The following ENTPD1 variants were observed in gnomAD, a reference collection of about 807,000 sequenced individuals.
The protein encoded by ENTPD1 is ATP diphosphohydrolase.
In ENTPD1, 33 loss-of-function variants were observed where a neutral mutation model predicts 57.0. That is an observed-to-expected ratio of 0.58 (90% CI 0.44 to 0.77). The LOEUF (loss-of-function observed/expected upper bound fraction) is 0.77. Among genes scored for constraint, ENTPD1 ranks in the 30% least tolerant of loss-of-function variants. ENTPD1 has a pLI of 0.00. For missense variants in ENTPD1, 501 were observed against 603.4 expected, an observed-to-expected ratio of 0.83 and a Z score of 1.78; for synonymous variants, 202 against 218.8, an observed-to-expected ratio of 0.92 and a Z score of 0.68.
chr10:95,873,847 G>A lies in ENTPD1; in HGVS notation c.*7464G>A. The A allele has an allele frequency of 3.4e-6, 1 of 290,790 alleles. No homozygotes were observed. Among genetic ancestry groups the A allele is most frequent in the Non-Finnish European group, 5.1e-6 (1 of 194,770 alleles). 18.0% of individuals were successfully genotyped at this position (290,790 alleles called of 1,614,324 possible). On this transcript the variant is annotated 3_prime_UTR_variant, in exon 10 of 10. Coordinates refer to ENST00000371205, the MANE Select transcript of ENTPD1 (RefSeq NM_001776.6). ...GGTACTTCTTACGTGGTGGCATCAAGAGCAAAATGAGGAAGAAGCAAAAGC... is the reference window on the plus strand; with the variant it reads ...GGTACTTCTTACGTGGTGGCATCAAAAGCAAAATGAGGAAGAAGCAAAAGC...
Position 95,836,593 on chromosome 10 carries a change from G to A in ENTPD1, c.145-3098G>A, listed in dbSNP as rs1185592281. The stretch of plus-strand genomic sequence containing the variant: ...TTTCTTTAAAGGATATACTCATAGG[G>A]ACTTTTGGAAATATTTAAATATAAG... On this transcript the variant is annotated intron_variant, in intron 2 of 9. Transcript: ENST00000371205. Among the ~76,000 whole-genome samples, 3 of 152,116 alleles carry A rather than the reference G, an allele frequency of 2.0e-5. No homozygotes were observed. In the East Asian group the frequency reaches 5.8e-4, roughly 29 times the overall value.
chr10:95,698,011 A>G, the ENTPD1 span, among the ~76,000 whole-genome samples: 1 of 152,276 alleles, frequency 6.6e-6, no homozygotes, highest in Non-Finnish European at 1.5e-5. Flanking sequence ...GGCGAGACTC[A>G]GAAAACAAAA....
Position 95,874,446 on chromosome 10 carries a change from C to T in ENTPD1, c.*8063C>T, listed in dbSNP as rs749794387. Among the ~76,000 whole-genome samples, 5 of 152,214 alleles carry T rather than the reference C, an allele frequency of 3.3e-5. No individual in the cohort carries two copies. The highest frequency in any genetic ancestry group is 4.8e-5 in the African/African-American group (2 of 41,462). The stretch of plus-strand genomic sequence containing the variant: ...AGGTTCCCATGGTCTTGTGCAGCTC[C>T]GCCCCTGTGGCTTTGCAGAGTACAG... On this transcript the variant is annotated 3_prime_UTR_variant, in exon 10 of 10. Coordinates refer to ENST00000371205, the MANE Select transcript of ENTPD1 (RefSeq NM_001776.6).
intron 7 of ENTPD1, among the ~76,000 whole-genome samples, chr10:95,851,219 C>T (rs1421506570): frequency 6.6e-6 from 1 of 151,864 alleles, no homozygotes; most frequent in East Asian, 1.9e-4. Flanking sequence ...CATATGTATA[C>T]ATAAATGTGT....
intron 1 of ENTPD1, among the ~76,000 whole-genome samples, chr10:95,773,713 T>C (rs2098123570): frequency 6.6e-6 from 1 of 152,232 alleles, no homozygotes; most frequent in Non-Finnish European, 1.5e-5. Flanking sequence ...TGTGCCACAT[T>C]TTCTTAATCC....
At position 95,819,291 on chromosome 10, in the gene ENTPD1, A is replaced by G. The variant is rs188383123; in HGVS notation, c.17-3946A>G. 8.5e-3 allele frequency among the ~76,000 whole-genome samples: 1,296 copies of G among 152,044 alleles called. 31 individuals carry two copies. Among genetic ancestry groups the G allele is most frequent in the African/African-American group, 0.03 (1,240 of 41,474 alleles). On this transcript the variant is annotated intron_variant, in intron 1 of 9. Transcript: ENST00000371205. ...CGATCCTCTCACCTCAGCCTCCCAA[A>G]TAGCTGGGACTACAGGCATATGCCA...
rs959667958 is a variant in ENTPD1 at position 95,869,690 on chromosome 10, C to T, written c.*3307C>T. The T allele has an allele frequency of 1.5e-5, 14 of 959,270 alleles. No individual in the cohort carries two copies. The highest frequency in any genetic ancestry group is 1.6e-5 in the Non-Finnish European group (13 of 806,186). The allele number at this position is 959,270 out of a possible 1,614,324, so 59.4% of individuals were successfully genotyped here. On this transcript the variant is annotated 3_prime_UTR_variant, in exon 10 of 10. Coordinates refer to ENST00000371205, the MANE Select transcript of ENTPD1 (RefSeq NM_001776.6). ...ATGTAAATAAAATTTTTTAAAATTA[C>T]ACTTCATTTTAATGTTGTATCAGTC...
intron 5 of ENTPD1, chr10:95,844,897 A>C (rs1590123456): frequency 1.9e-6 from 1 of 534,596 alleles, no homozygotes; most frequent in South Asian, 2.0e-5. Context: ...ATTTATCATT[A>C]AAAATTAGAA....
chr10:95,715,576 A>C (rs534004452), intron 1 of ENTPD1, among the ~76,000 whole-genome samples: 1 of 151,148 alleles, frequency 6.6e-6, no homozygotes, highest in East Asian at 1.9e-4. Flanking sequence ...GGATTTGTCT[A>C]TTTTGCTATT....
At chr10:95,787,358 G>A (rs1730302088) in intron 1 of ENTPD1, among the ~76,000 whole-genome samples, 1 of 152,124 alleles carries the variant, frequency 6.6e-6, no homozygotes, top group Non-Finnish European at 1.5e-5. Flanking sequence ...TATTACAAGA[G>A]GGCTTGGAAG....
In ENTPD1 at chr10:95,809,410, C is replaced by T. The variant is rs184215358; in HGVS notation, c.17-13827C>T. On this transcript the variant is annotated intron_variant, in intron 1 of 9. Coordinates refer to ENST00000371205, the MANE Select transcript of ENTPD1 (RefSeq NM_001776.6). ...CCCCCCACCCCCCAGACGGGGAGGC[C>T]GGGCAGAGGCGTCCCCCACCTCCCA... is the stretch of plus-strand genomic sequence containing the variant. Among the ~76,000 whole-genome samples the T allele has an allele frequency of 3.4e-3, 485 of 142,996 alleles. 2 individuals are homozygous for T. The highest frequency in any genetic ancestry group is 0.011 in the African/African-American group (423 of 38,398). The allele number at this position is 142,996 out of a possible 152,430, so 93.8% of individuals were successfully genotyped here. A position where few individuals can be genotyped will look rare whatever the true frequency, so the allele number is the denominator to read the frequency against.
chr10:95,694,244 A>T, the ENTPD1 span: 2 of 320,492 alleles, frequency 6.2e-6, no homozygotes, highest in Non-Finnish European at 1.2e-5. Flanking sequence ...CAGAGGACTG[A>T]GCCCGGCCTC....
chr10:95,866,744 G>A lies in ENTPD1; in HGVS notation c.*361G>A. The A allele has an allele frequency of 1.8e-6, 2 of 1,137,336 alleles. No homozygotes were observed. Among genetic ancestry groups the A allele is most frequent in the Non-Finnish European group, 2.2e-6 (2 of 918,550 alleles). 70.5% of individuals were successfully genotyped at this position (1,137,336 alleles called of 1,614,324 possible). ...GTCTTGAGTCCTGTGATAGGAGGCT[G>A]AGCTGGCTGAAAGAAGAATCTCAGG... On this transcript the variant is annotated 3_prime_UTR_variant, in exon 10 of 10. Transcript: ENST00000371205.
intron 1 of ENTPD1, among the ~76,000 whole-genome samples, chr10:95,722,889 T>G (rs1724812894): frequency 6.6e-6 from 1 of 152,224 alleles, no homozygotes; most frequent in African/African-American, 2.4e-5. Flanking sequence ...CGAGTAAGAT[T>G]TGAGTTAGTA....
At chr10:95,862,017 A>C (rs1791212936) in intron 8 of ENTPD1, among the ~76,000 whole-genome samples, 1 of 151,696 alleles carries the variant, frequency 6.6e-6, no homozygotes, top group South Asian at 2.1e-4. Context: ...AAAAAAAAAA[A>C]GTTCTGTCAG....
Position 95,869,769 on chromosome 10 carries a change from A to G in ENTPD1, c.*3386A>G. ...GTACACTCAAACTGGGTAACACAGG[A>G]GAGTTTTCAGAAAGCAACTAAATCC... is the stretch of plus-strand genomic sequence containing the variant. On this transcript the variant is annotated 3_prime_UTR_variant, in exon 10 of 10. Transcript: ENST00000371205. 3 of 808,406 alleles carry G rather than the reference A, an allele frequency of 3.7e-6. No homozygotes were observed. The highest frequency in any genetic ancestry group is 4.5e-6 in the Non-Finnish European group (3 of 668,694). The allele number at this position is 808,406 out of a possible 1,614,324, so 50.1% of individuals were successfully genotyped here.
Position 95,870,156 on chromosome 10 carries a change from G to T in ENTPD1, c.*3773G>T, listed in dbSNP as rs2098478838. The stretch of plus-strand genomic sequence containing the variant: ...TTTTGTTGCCTTCCCATGAAGATGT[G>T]AAGGCAGGGATGCCTGTTATTCAGT... On this transcript the variant is annotated 3_prime_UTR_variant, in exon 10 of 10. Coordinates refer to ENST00000371205, the MANE Select transcript of ENTPD1 (RefSeq NM_001776.6). The T allele has an allele frequency of 6.1e-6, 6 of 985,318 alleles. No individual in the cohort carries two copies. Among genetic ancestry groups the T allele is most frequent in the Non-Finnish European group, 7.2e-6 (6 of 829,942 alleles). 61.0% of individuals were successfully genotyped at this position (985,318 alleles called of 1,614,324 possible).
At chr10:95,796,167 A>G (rs1383735464) in intron 1 of ENTPD1, among the ~76,000 whole-genome samples, 1 of 152,204 alleles carries the variant, frequency 6.6e-6, no homozygotes, top group Non-Finnish European at 1.5e-5. Context: ...TTCAACTGAC[A>G]TATGTAACAC....
chr10:95,791,144 C>T lies in ENTPD1; in HGVS notation c.17-32093C>T, dbSNP rs186163311. ...GAAGATCTGTAGGTTTTACTAGACC[C>T]GTAGCCCTCAGTATGAGTATCTAAA... On this transcript the variant is annotated intron_variant, in intron 1 of 9. Coordinates refer to ENST00000371205, the MANE Select transcript of ENTPD1 (RefSeq NM_001776.6). The surrounding 1 kb of genome is among the most constrained non-coding windows in gnomAD (Gnocchi z 4.1). Among the ~76,000 whole-genome samples the T allele has an allele frequency of 2.4e-4, 36 of 152,222 alleles. No homozygotes were observed. The highest frequency in any genetic ancestry group is 7.9e-4 in the African/African-American group (33 of 41,556).
Sources: allele counts gnomAD v4.1 joint callset (sites outside exome capture counted in the v4.1 genomes callset), GRCh38; gene constraint gnomAD v4.1.1; non-coding constraint Gnocchi (gnomAD v3.1); transcripts MANE v1.5; gene names NCBI Gene and HGNC (gene_info 2026-07-23, HGNC 2026-07-21).